GRK4: variants seen among roughly 807,000 people sequenced by gnomAD.
GRK4 encodes the protein G protein-coupled receptor kinase 2-like.
GRK4 carries 73 observed loss-of-function variants against 77.9 expected under a neutral mutation model. That is an observed-to-expected ratio of 0.94 (90% CI 0.78 to 1.14). The LOEUF (loss-of-function observed/expected upper bound fraction) is 1.14, where lower values mean the gene tolerates loss of function less well. Among genes scored for constraint, GRK4 ranks in the 50% most tolerant of loss-of-function variants. The pLI, the probability that GRK4 is intolerant of heterozygous loss-of-function variation, is 0.00. For missense variants in GRK4, 729 were observed against 700.2 expected, an observed-to-expected ratio of 1.04 and a Z score of -0.46; for synonymous variants, 257 against 254.4, an observed-to-expected ratio of 1.01 and a Z score of -0.10.
chr4:2,964,607 G>A (rs901916152), intron 1 of GRK4, among the ~76,000 whole-genome samples: 1 of 152,208 alleles, frequency 6.6e-6, no homozygotes, highest in Non-Finnish European at 1.5e-5. Flanking sequence ...TAGCTGCTTG[G>A]TTTTGAGGTT....
chr4:3,004,455 T>A, intron 5 of GRK4, 121 bp downstream of exon 5: 1 of 604,198 alleles, frequency 1.7e-6, no homozygotes, highest in Non-Finnish European at 2.9e-6. Flanking sequence ...TTGAACAACA[T>A]GGGCATTAGG....
chr4:3,029,437 A>T (rs1325427349), intron 12 of GRK4, 28 bp downstream of exon 12: 1 of 1,573,316 alleles, frequency 6.4e-7, no homozygotes, highest in Admixed American at 1.7e-5. Context: ...GAGGCTGGGA[A>T]ATGGCACTTC....
chr4:3,040,348 G>A (rs2110112061), intron 15 of GRK4, among the ~76,000 whole-genome samples: 1 of 152,256 alleles, frequency 6.6e-6, no homozygotes, highest in African/African-American at 2.4e-5. Flanking sequence ...GGCTGAGGAA[G>A]GAGAATTGCT....
intron 7 of GRK4, among the ~76,000 whole-genome samples, chr4:3,010,779 A>C (rs996509431): frequency 2.0e-5 from 3 of 152,182 alleles, no homozygotes; most frequent in Non-Finnish European, 4.4e-5. Flanking sequence ...TACTGCTCCC[A>C]TATTACAATT....
At chr4:3,028,172 T>A (rs567625880) in intron 11 of GRK4, among the ~76,000 whole-genome samples, 171 bp downstream of exon 11, 58 of 152,286 alleles carry the variant, frequency 3.8e-4, no homozygotes, top group African/African-American at 1.4e-3. Context: ...CTGCTGGGGA[T>A]CCTGTAGGCT....
At chr4:3,029,950 C>T (rs1738698668) in intron 12 of GRK4, among the ~76,000 whole-genome samples, 1 of 152,204 alleles carries the variant, frequency 6.6e-6, no homozygotes, top group South Asian at 2.1e-4. Flanking sequence ...GGTTTGATTT[C>T]TCAAATAATG....
At chr4:3,002,012 A>AGAGCG (rs1265419389) in intron 4 of GRK4, among the ~76,000 whole-genome samples, 1 of 151,986 alleles carries the variant, frequency 6.6e-6, no homozygotes, top group Non-Finnish European at 1.5e-5. Flanking sequence ...TAAGGAGAGC[A>AGAGCG]GGGCCTGGGC....
At chr4:2,982,494 A>G (rs758358858) in intron 1 of GRK4, among the ~76,000 whole-genome samples, 8 of 152,238 alleles carry the variant, frequency 5.3e-5, no homozygotes, top group East Asian at 1.9e-4. Flanking sequence ...TCTCTGCTCA[A>G]TGATTCAGCA....
At chr4:3,028,121 G>T in intron 11 of GRK4, 120 bp downstream of exon 11, 1 of 796,926 alleles carries the variant, frequency 1.3e-6, no homozygotes, top group South Asian at 1.5e-5. Flanking sequence ...AGTAGATGGC[G>T]CAGTGGTGTT....
At chr4:3,032,928 G>T (rs1477873903) in intron 12 of GRK4, among the ~76,000 whole-genome samples, 1 of 152,194 alleles carries the variant, frequency 6.6e-6, no homozygotes, top group Non-Finnish European at 1.5e-5. Context: ...GTGCTGCCTG[G>T]TCAGGCCATC....
Position 2,968,097 on chromosome 4 carries a change from G to A in GRK4, c.52+3975G>A, listed in dbSNP as rs1049572632. Among the ~76,000 whole-genome samples, 5 of 145,310 alleles carry A rather than the reference G, an allele frequency of 3.4e-5. No homozygotes were observed. In the South Asian group the frequency reaches 1.1e-3, roughly 32 times the overall value. ...TGAGCCACTGTGCCCGGCCTGTTTT[G>A]TTTTTTTTTTTAATTTAGGATTTTT... On this transcript the variant is annotated intron_variant, in intron 1 of 15. Transcript: ENST00000398052.
At chr4:3,025,190 G>A (rs1399435071) in intron 10 of GRK4, among the ~76,000 whole-genome samples, 1 of 148,090 alleles carries the variant, frequency 6.8e-6, no homozygotes, top group Non-Finnish European at 1.5e-5. Flanking sequence ...AGAATCGCTT[G>A]AACCTGGGAG....
At chr4:3,028,088 C>T (rs1578357944) in intron 11 of GRK4, 87 bp downstream of exon 11, 26 of 1,157,488 alleles carry the variant, frequency 2.2e-5, no homozygotes, top group South Asian at 5.0e-5. Context: ...CTGAATGGAC[C>T]GGGGCCTCGG....
At chr4:3,038,593 G>A (rs757561085) in intron 15 of GRK4, 80 bp downstream of exon 15, 390 of 1,498,470 alleles carry the variant, frequency 2.6e-4, no homozygotes, top group Non-Finnish European at 3.4e-4. Context: ...TGAAAACCTG[G>A]TACTTTTTCT....
In GRK4 at chr4:2,994,010, A is replaced by T. The variant is rs115520614; in HGVS notation, c.339+1718A>T. On this transcript the variant is annotated intron_variant, in intron 4 of 15. Coordinates refer to ENST00000398052, the MANE Select transcript of GRK4 (RefSeq NM_182982.3). ...AGTGCCAGAGGGGATGGCCAGCAGG[A>T]CCATCTAGCAGCACAAAGATACATA... Among the ~76,000 whole-genome samples, 839 of 152,248 alleles carry T rather than the reference A, an allele frequency of 5.5e-3. 7 individuals are homozygous for T. Among genetic ancestry groups the T allele is most frequent in the African/African-American group, 0.019 (808 of 41,534 alleles).
At chr4:3,037,918 CAAA>C (rs80159278) in intron 14 of GRK4, among the ~76,000 whole-genome samples, 4 of 109,906 alleles carry the variant, frequency 3.6e-5, no homozygotes, top group Non-Finnish European at 2.0e-5. Context: ...TCGTCTCACC[CAAA>C]AAAAAAAAAA....
intron 1 of GRK4, among the ~76,000 whole-genome samples, chr4:2,976,710 A>C (rs192016967): frequency 4.8e-4 from 65 of 136,518 alleles, no homozygotes; most frequent in Admixed American, 1.2e-3. Context: ...GCATGATCCC[A>C]GCTCACCACA....
intron 8 of GRK4, 106 bp downstream of exon 8, chr4:3,013,934 C>T: frequency 3.9e-6 from 5 of 1,271,060 alleles, no homozygotes; most frequent in Non-Finnish European, 4.3e-6. Context: ...GAAGTCATTT[C>T]TTGTTTTCTG....
intron 4 of GRK4, among the ~76,000 whole-genome samples, chr4:2,994,487 A>C (rs1322559967): frequency 6.6e-6 from 1 of 152,258 alleles, no homozygotes; most frequent in Non-Finnish European, 1.5e-5. Flanking sequence ...TGGGGATTAC[A>C]GGCGTGAACC....
Sources: gnomAD v4.1 joint callset for allele counts (sites outside exome capture counted in the v4.1 genomes callset) on GRCh38, gnomAD v4.1.1 for gene constraint, MANE v1.5 for transcripts, NCBI Gene and HGNC (gene_info 2026-07-23, HGNC 2026-07-21) for gene names.